PSME4: variants seen among roughly 807,000 people sequenced by gnomAD.
PSME4 encodes the protein proteasome activator subunit 4, also known as proteasome activator complex subunit 4.
PSME4 carries 89 observed loss-of-function variants against 253.9 expected under a neutral mutation model. The observed-to-expected ratio is 0.35, with a 90% CI of 0.30 to 0.42. PSME4 has a LOEUF of 0.42. PSME4 is among the 10% of genes least tolerant of loss of function. The pLI is 1.00. For synonymous variants in PSME4, 851 were observed against 759.2 expected (o/e 1.12, Z -1.99); for missense variants, 2,014 against 2,195.2 (o/e 0.92, Z 1.65).
At chr2:53,953,148 T>C (rs1054116980) in intron 1 of PSME4, among the ~76,000 whole-genome samples, 3 of 152,160 alleles carry the variant, frequency 2.0e-5, no homozygotes, top group Non-Finnish European at 2.9e-5. Context: ...GTGGTTCTTA[T>C]CTCAGCATTT....
intron 24 of PSME4, among the ~76,000 whole-genome samples, chr2:53,907,141 A>C (rs1680698011): frequency 6.6e-6 from 1 of 152,126 alleles, no homozygotes; most frequent in African/African-American, 2.4e-5. Context: ...TGGGAGAGCA[A>C]CAGAGTTGTG....
intron 9 of PSME4, 117 bp downstream of exon 9, chr2:53,932,551 T>C: frequency 1.2e-6 from 1 of 811,956 alleles, no homozygotes; most frequent in Non-Finnish European, 2.1e-6. Context: ...AGCATTTACA[T>C]ATAGCTAAAG....
intron 20 of PSME4, among the ~76,000 whole-genome samples, chr2:53,917,508 C>A (rs868684563): frequency 6.6e-6 from 1 of 152,096 alleles, no homozygotes; most frequent in African/African-American, 2.4e-5. Context: ...CAGGCTGATA[C>A]GAACTGCAAG....
chr2:53,870,464 C>G (rs2104409489), intron 43 of PSME4: 1 of 148,096 alleles, frequency 6.8e-6, no homozygotes, highest in South Asian at 2.1e-4. Context: ...AGCTTTGCCT[C>G]TTGGGTTCAT....
At chr2:53,869,641 T>C (rs375851425) in intron 43 of PSME4, 103 bp from the exon 44 acceptor site, 6 of 926,398 alleles carry the variant, frequency 6.5e-6, no homozygotes, top group Admixed American at 2.6e-5. Context: ...TTCCCTGAAA[T>C]TGCATGCAAA....
chr2:53,964,579 A>AT (rs1275000418), intron 1 of PSME4, among the ~76,000 whole-genome samples: 1 of 152,244 alleles, frequency 6.6e-6, no homozygotes, highest in East Asian at 1.9e-4. Context: ...AGATTTCAAG[A>AT]TTCATTTACA....
Position 53,936,788 on chromosome 2 carries a change from C to T in PSME4, c.735G>A (p.Val245=), listed in dbSNP as rs767442741. The change falls in exon 6 of 47, where the codon GTG becomes GTA. Residue 245 remains valine, a synonymous_variant. Transcript: ENST00000404125. Reference sequence around the variant, plus strand: ...CCCCCTCCCATTGTGGGAGATTTTGCACTGAAACCCAAAGGCCAATTAATT... The same window carrying T: ...CCCCCTCCCATTGTGGGAGATTTTGTACTGAAACCCAAAGGCCAATTAATT... The part of the protein sequence containing the change: ...FDELIGLWVS[V]QNLPQWEGQL... 6.3e-7 allele frequency: 1 copy of T among 1,595,320 alleles called. No homozygotes were observed. Among genetic ancestry groups the T allele is most frequent in the South Asian group, 1.1e-5 (1 of 88,492 alleles).
At position 53,960,137 on chromosome 2, in the gene PSME4, C is replaced by T. The variant is rs143191109; in HGVS notation, c.242+10406G>A. Among the ~76,000 whole-genome samples, 100 of 152,272 alleles carry T rather than the reference C, an allele frequency of 6.6e-4. 1 individual carries two copies. The highest frequency in any genetic ancestry group is 1.3e-3 in the Non-Finnish European group (86 of 68,026). ...ATAGGAGGCCAGGCATGGTGGCTCA[C>T]GCCCGTAATCTCAGCACTTTGGGAG... is the stretch of plus-strand genomic sequence containing the variant. On this transcript the variant is annotated intron_variant, in intron 1 of 46. Coordinates refer to ENST00000404125, the MANE Select transcript of PSME4 (RefSeq NM_014614.3).
intron 19 of PSME4, 59 bp from the exon 20 acceptor site, chr2:53,919,305 G>C: frequency 2.7e-6 from 4 of 1,505,678 alleles, no homozygotes; most frequent in South Asian, 1.3e-5. Flanking sequence ...AAGCCTGCTA[G>C]AGCCTAGCAC....
intron 33 of PSME4, 115 bp from the exon 34 acceptor site, chr2:53,895,191 G>T: frequency 1.2e-6 from 1 of 842,418 alleles, no homozygotes; most frequent in Non-Finnish European, 1.9e-6. Context: ...TAAGTTTGGG[G>T]AGATGAGTAC....
At chr2:53,946,910 A>AAAGG (rs1184076301) in intron 3 of PSME4, among the ~76,000 whole-genome samples, 34 of 151,984 alleles carry the variant, frequency 2.2e-4, no homozygotes, top group South Asian at 4.2e-4. Context: ...CAACCCTGAA[A>AAAGG]AAGGAAGGAA....
intron 27 of PSME4, 150 bp from the exon 28 acceptor site, chr2:53,901,709 G>C (rs1487071253): frequency 7.1e-6 from 4 of 561,736 alleles, no homozygotes; most frequent in Non-Finnish European, 1.2e-5. Context: ...CATTTAACAT[G>C]TTACTTTTTA....
intron 1 of PSME4, among the ~76,000 whole-genome samples, chr2:53,952,037 G>A (rs1469284021): frequency 1.3e-5 from 2 of 152,050 alleles, no homozygotes; most frequent in African/African-American, 4.8e-5. Flanking sequence ...TATTTTAAAT[G>A]AACACAAACA....
chr2:53,934,043 A>G (rs1392555631), intron 8 of PSME4, among the ~76,000 whole-genome samples: 3 of 152,244 alleles, frequency 2.0e-5, no homozygotes, highest in Non-Finnish European at 4.4e-5. Flanking sequence ...ATAGCTGCAG[A>G]AGCAATATAT....
chr2:53,944,857 T>C (rs1022504452), intron 3 of PSME4, among the ~76,000 whole-genome samples: 6 of 151,904 alleles, frequency 3.9e-5, no homozygotes, highest in Non-Finnish European at 7.4e-5. Flanking sequence ...ACAAATGCCA[T>C]AAACAAATAC....
intron 1 of PSME4, among the ~76,000 whole-genome samples, chr2:53,951,958 T>TA (rs1156659540): frequency 6.6e-6 from 1 of 152,202 alleles, no homozygotes; most frequent in Non-Finnish European, 1.5e-5. Context: ...AGCATAATGA[T>TA]AGAGCCTTCT....
chr2:53,930,080 T>G (rs1466532070), intron 10 of PSME4, among the ~76,000 whole-genome samples: 2 of 151,978 alleles, frequency 1.3e-5, no homozygotes, highest in Non-Finnish European at 2.9e-5. Context: ...TGATGCCACT[T>G]CAAAACAGCA....
At chr2:53,968,340 A>C (rs542493473) in intron 1 of PSME4, among the ~76,000 whole-genome samples, 27 of 152,240 alleles carry the variant, frequency 1.8e-4, no homozygotes, top group African/African-American at 6.3e-4. Flanking sequence ...ATACTGAAAC[A>C]CATGATTAAG....
intron 41 of PSME4, among the ~76,000 whole-genome samples, chr2:53,884,238 G>A (rs566440714): frequency 6.6e-6 from 1 of 152,158 alleles, no homozygotes; most frequent in East Asian, 1.9e-4. Flanking sequence ...TCGAGATGGA[G>A]TCTTGCTCTG....
Sources: allele counts gnomAD v4.1 joint callset (sites outside exome capture counted in the v4.1 genomes callset), GRCh38; gene constraint gnomAD v4.1.1; transcripts MANE v1.5; gene names NCBI Gene and HGNC (gene_info 2026-07-23, HGNC 2026-07-21).